The following GPR35 variants were observed in gnomAD, a reference collection of about 807,000 sequenced individuals.
GPR35 encodes KYNA receptor.
For synonymous variants in GPR35, 207 were observed against 198.4 expected, an observed-to-expected ratio of 1.04 and a Z score of -0.36; for missense variants, 372 against 422.5, an observed-to-expected ratio of 0.88 and a Z score of 1.05.
intron 2 of GPR35, among the ~76,000 whole-genome samples, chr2:240,613,998 C>G (rs1345447693): frequency 6.6e-6 from 1 of 151,698 alleles, no homozygotes; most frequent in Non-Finnish European, 1.5e-5. Context: ...AACTACAACC[C>G]TAACCCTATC....
rs768727529 is a variant in GPR35, at chr2:240,630,152, T to C, written c.200T>C (p.Leu67Pro). ...ATGACCAACCTGGCGGTGGCCGACC[T>C]CTGCCTGCTGTGCACCTTGCCCTTC... ...IYMTNLAVAD[L>P]CLLCTLPFVL... The change falls in exon 2 of 2, where the codon CTC (leucine) becomes CCC (proline). Residue 67 changes from leucine to proline, a missense_variant. Transcript: ENST00000407714. The C allele has an allele frequency of 5.6e-6, 9 of 1,599,788 alleles. No homozygotes were observed. The South Asian group carries it at 8.8e-5, about 16-fold the overall frequency.
At chr2:240,625,479 C>T, upstream of GPR35, 1 of 985,780 alleles carries the variant, frequency 1.0e-6, no homozygotes, top group Non-Finnish European at 1.2e-6. Context: ...ACCCCAGCTT[C>T]ACTTCCCCCA....
chr2:240,609,770 T>C (rs895012792), intron 2 of GPR35, among the ~76,000 whole-genome samples: 11 of 152,264 alleles, frequency 7.2e-5, no homozygotes, highest in Admixed American at 3.9e-4. Flanking sequence ...TTCTTACTAA[T>C]TTTTGGTTTA....
chr2:240,613,708 C>T (rs527826812), intron 2 of GPR35, among the ~76,000 whole-genome samples: 7 of 151,954 alleles, frequency 4.6e-5, no homozygotes, highest in South Asian at 2.1e-4. Flanking sequence ...CACCCTATTC[C>T]GAACCTTAAA....
In GPR35 at chr2:240,632,142, G is replaced by C. The variant is rs1245670106; in HGVS notation, c.*1260G>C. Among the ~76,000 whole-genome samples the C allele has an allele frequency of 6.6e-5, 10 of 151,826 alleles. No individual in the cohort carries two copies. On this transcript the variant is annotated 3_prime_UTR_variant, in exon 2 of 2. Coordinates refer to ENST00000407714, the MANE Select transcript of GPR35 (RefSeq NM_005301.5). ...GCCCAGGAGGGCTCTATGCCCAAAA[G>C]GGTCCCATGTCCGGGAGGGTCCATA...
At chr2:240,621,411 C>CGTGG (rs1384969294), upstream of GPR35, among the ~76,000 whole-genome samples, 3 of 152,056 alleles carry the variant, frequency 2.0e-5, no homozygotes, top group African/African-American at 7.2e-5. Context: ...CGCGCCACCA[C>CGTGG]GCCCAGCTAA....
chr2:240,630,730 A>C lies in GPR35; in HGVS notation c.778A>C (p.Ile260Leu), dbSNP rs558162538. ...GGAGACGATCCGTCGCGCCCTGTAC[A>C]TAACCAGCAAGCTCTCAGATGCCAA... ...LLETIRRALY[I>L]TSKLSDANCC... The change falls in exon 2 of 2, where the codon ATA becomes CTA. Residue 260 changes from isoleucine to leucine, a missense_variant. Coordinates refer to ENST00000407714, the MANE Select transcript of GPR35 (RefSeq NM_005301.5). The C allele has an allele frequency of 6.2e-7, 1 of 1,613,534 alleles. No homozygotes were observed. Among genetic ancestry groups the C allele is most frequent in the Non-Finnish European group, 8.5e-7 (1 of 1,180,034 alleles).
At chr2:240,621,521 G>A (rs1575465181), upstream of GPR35, among the ~76,000 whole-genome samples, 1 of 152,322 alleles carries the variant, frequency 6.6e-6, no homozygotes, top group African/African-American at 2.4e-5. Context: ...TCAAAGTGCT[G>A]GGATTACAGA....
intron 3 of GPR35, chr2:240,616,836 G>A (rs531542150): frequency 2.9e-5 from 20 of 698,896 alleles, no homozygotes; most frequent in Admixed American, 1.6e-4. Context: ...ACTCTCTCTC[G>A]CTGGCTCTGG....
In GPR35 at chr2:240,632,335, G is replaced by A. The variant is rs2043458919; in HGVS notation, c.*1453G>A. On this transcript the variant is annotated 3_prime_UTR_variant, in exon 2 of 2. Transcript: ENST00000407714. ...GGGCCCTGTGCTCAGGAGGATACATGTCCAGGAGTGTCCCTGTCCAGGAGG... is the reference window on the plus strand; with the variant it reads ...GGGCCCTGTGCTCAGGAGGATACATATCCAGGAGTGTCCCTGTCCAGGAGG... Among the ~76,000 whole-genome samples, 10 of 151,088 alleles carry A rather than the reference G, an allele frequency of 6.6e-5. No homozygotes were observed. Among genetic ancestry groups the A allele is most frequent in the Admixed American group, 6.6e-4 (10 of 15,202 alleles).
At position 240,630,239 on chromosome 2, in the gene GPR35, A is replaced by T. The variant is rs376209708; in HGVS notation, c.287A>T (p.Tyr96Phe). The T allele has an allele frequency of 2.6e-6, 4 of 1,564,522 alleles. No individual in the cohort carries two copies. In the African/African-American group the frequency reaches 5.4e-5, roughly 21 times the overall value. The stretch of plus-strand genomic sequence containing the variant: ...CTGTGCCAGCTCTCCCAGGGCATCT[A>T]CCTGACCAACAGGTACATGAGCATC... ...TPLCQLSQGI[Y>F]LTNRYMSISL... Residue 96 changes from tyrosine to phenylalanine, a missense_variant, in exon 2 of 2, where the codon TAC becomes TTC. Transcript: ENST00000407714.
intron 2 of GPR35, among the ~76,000 whole-genome samples, chr2:240,608,803 G>T (rs2043158987): frequency 1.3e-5 from 2 of 152,242 alleles, no homozygotes; most frequent in South Asian, 4.1e-4. Context: ...GTTAAGATTG[G>T]TATTATTTTA....
chr2:240,606,095 C>T (rs189508777), intron 1 of GPR35, among the ~76,000 whole-genome samples: 1 of 152,318 alleles, frequency 6.6e-6, no homozygotes, highest in East Asian at 1.9e-4. Flanking sequence ...CCTCTCTAGT[C>T]CCCAGCAGGT....
upstream of GPR35, among the ~76,000 whole-genome samples, chr2:240,623,418 TGA>T (rs1453050070): frequency 1.3e-5 from 1 of 74,968 alleles, no homozygotes; most frequent in African/African-American, 4.6e-5. Flanking sequence ...AAACAGATCG[TGA>T]GGGCGCAAAC....
upstream of GPR35, among the ~76,000 whole-genome samples, chr2:240,624,588 G>A (rs150825275): frequency 3.3e-5 from 5 of 152,296 alleles, no homozygotes; most frequent in East Asian, 1.9e-4. Flanking sequence ...CGTTTCCACC[G>A]CTGTAAAGTG....
At chr2:240,611,378 C>G (rs553205488) in intron 2 of GPR35, among the ~76,000 whole-genome samples, 9 of 152,336 alleles carry the variant, frequency 5.9e-5, no homozygotes, top group African/African-American at 2.2e-4. Flanking sequence ...TTCATCTCCT[C>G]TGTTCTTTGT....
chr2:240,626,530 A>G (rs2043380798), intron 1 of GPR35, among the ~76,000 whole-genome samples: 1 of 152,028 alleles, frequency 6.6e-6, no homozygotes. Flanking sequence ...GCTGATGAAG[A>G]CTTGGAGCCT....
At chr2:240,624,458 G>T (rs1209503783), upstream of GPR35, among the ~76,000 whole-genome samples, 2 of 152,182 alleles carry the variant, frequency 1.3e-5, no homozygotes, top group African/African-American at 4.8e-5. Flanking sequence ...GCCCAGCCAG[G>T]GCTTCCTCAC....
chr2:240,611,452 A>C (rs1241953937), intron 2 of GPR35, among the ~76,000 whole-genome samples: 1 of 152,062 alleles, frequency 6.6e-6, no homozygotes, highest in African/African-American at 2.4e-5. Context: ...TATTTCACTT[A>C]TCTCTTCTAG....
Sources: gnomAD v4.1 joint callset for allele counts (sites outside exome capture counted in the v4.1 genomes callset) on GRCh38, gnomAD v4.1.1 for gene constraint, MANE v1.5 for transcripts, NCBI Gene and HGNC (gene_info 2026-07-23, HGNC 2026-07-21) for gene names.